The following RGS7 variants were observed in gnomAD, a reference collection of about 807,000 sequenced individuals.
RGS7 encodes regulator of G protein signaling 7, also known as regulator of G-protein signaling 7.
A neutral mutation model predicts 81.1 loss-of-function variants in RGS7; 27 were observed. The ratio of observed to expected loss-of-function variants is 0.33; its 90% CI spans 0.25 to 0.46. The LOEUF is 0.46. Ranked by LOEUF, RGS7 falls within the 20% of genes least tolerant of loss-of-function variation. The pLI is 1.00. For missense variants in RGS7, 396 were observed against 607.4 expected (o/e 0.65, Z 3.66); for synonymous variants, 208 against 207.7 (o/e 1.00, Z -0.01).
At chr1:240,908,413 A>G (rs2148234706) in intron 6 of RGS7, among the ~76,000 whole-genome samples, 1 of 152,316 alleles carries the variant, frequency 6.6e-6, no homozygotes, top group South Asian at 2.1e-4. Flanking sequence ...TGAAGTTACT[A>G]AGCCTACACA....
chr1:240,842,199 A>ATCTTTTTTTTTTTTT (rs1658151361), intron 9 of RGS7, among the ~76,000 whole-genome samples: 1 of 78,676 alleles, frequency 1.3e-5, no homozygotes, highest in African/African-American at 4.7e-5. Context: ...TTTGTCAGGA[A>ATCTTTTTTTTTTTTT]TTTTTTTTTT....
At chr1:240,840,942 ATG>A (rs138725846) in intron 9 of RGS7, among the ~76,000 whole-genome samples, 3 of 151,786 alleles carry the variant, frequency 2.0e-5, no homozygotes, top group Non-Finnish European at 4.4e-5. Flanking sequence ...GCTTGTGTGT[ATG>A]TGTGTGTGTG....
At chr1:241,127,906 C>T (rs1261023560) in intron 2 of RGS7, among the ~76,000 whole-genome samples, 1 of 151,712 alleles carries the variant, frequency 6.6e-6, no homozygotes, top group African/African-American at 2.4e-5. Flanking sequence ...TAACACTGAG[C>T]TTTTAAAAGT....
At chr1:241,272,762 T>A (rs1277897412) in intron 2 of RGS7, among the ~76,000 whole-genome samples, 1 of 152,210 alleles carries the variant, frequency 6.6e-6, no homozygotes, top group Non-Finnish European at 1.5e-5. Context: ...TTCCTCTCTA[T>A]TTTGCAAATT....
intron 2 of RGS7, among the ~76,000 whole-genome samples, chr1:241,259,350 T>C (rs1453144421): frequency 6.6e-6 from 1 of 151,714 alleles, no homozygotes; most frequent in African/African-American, 2.4e-5. Flanking sequence ...AAGAACAAAA[T>C]TAGGAACAAA....
intron 4 of RGS7, among the ~76,000 whole-genome samples, chr1:240,946,947 T>C (rs550524385): frequency 5.9e-5 from 9 of 152,346 alleles, no homozygotes; most frequent in African/African-American, 2.2e-4. Flanking sequence ...TTGTTCATTA[T>C]ATTATATATA....
intron 13 of RGS7, 135 bp from the exon 14 acceptor site, chr1:240,812,178 G>T: frequency 3.5e-6 from 3 of 848,206 alleles, no homozygotes; most frequent in Non-Finnish European, 5.7e-6. Flanking sequence ...ATATATATCC[G>T]ATTAACGGCT....
rs544862999 is a variant in RGS7, at chr1:241,302,660, T to G, written c.78+53039A>C. Among the ~76,000 whole-genome samples the G allele has an allele frequency of 4.6e-4, 70 of 152,312 alleles. 1 individual carries two copies. Among genetic ancestry groups the G allele is most frequent in the African/African-American group, 1.6e-3 (66 of 41,564 alleles). ...GAAAAATTTTTCTTATCATACAAAA[T>G]TTTAAACATGAGCAAAGTAGAGAAA... On this transcript the variant is annotated intron_variant, in intron 2 of 18. Coordinates refer to ENST00000440928, the MANE Select transcript of RGS7 (RefSeq NM_001364886.1).
At chr1:241,088,351 C>T (rs1320395661) in intron 3 of RGS7, among the ~76,000 whole-genome samples, 3 of 151,902 alleles carry the variant, frequency 2.0e-5, no homozygotes, top group East Asian at 1.9e-4. Context: ...AAAAAACATA[C>T]CATTTTGGCA....
intron 3 of RGS7, among the ~76,000 whole-genome samples, chr1:241,087,968 C>T (rs1241813113): frequency 1.1e-5 from 1 of 87,290 alleles, no homozygotes; most frequent in African/African-American, 4.3e-5. Context: ...CTCTCTCTCT[C>T]TCTCTCTCTA....
At chr1:240,976,921 A>T (rs1446143038) in intron 4 of RGS7, among the ~76,000 whole-genome samples, 4 of 105,156 alleles carry the variant, frequency 3.8e-5, no homozygotes, top group Non-Finnish European at 6.4e-5. Context: ...TCTTTCTATC[A>T]TCCATCTATC....
intron 3 of RGS7, among the ~76,000 whole-genome samples, chr1:241,093,538 T>C (rs2148937252): frequency 6.6e-6 from 1 of 152,288 alleles, no homozygotes; most frequent in African/African-American, 2.4e-5. Context: ...AGCATGCATC[T>C]AAGACCAGCA....
intron 2 of RGS7, among the ~76,000 whole-genome samples, chr1:241,260,408 A>C (rs1279120513): frequency 6.6e-6 from 1 of 152,160 alleles, no homozygotes; most frequent in East Asian, 1.9e-4. Context: ...TGGGTATATC[A>C]AATACTTGCT....
At chr1:240,931,156 A>G (rs1323149608) in intron 5 of RGS7, among the ~76,000 whole-genome samples, 1 of 152,176 alleles carries the variant, frequency 6.6e-6, no homozygotes, top group African/African-American at 2.4e-5. Flanking sequence ...ATTGTTTTCT[A>G]TGAATCATGT....
At chr1:241,223,216 G>C (rs1484617361) in intron 2 of RGS7, among the ~76,000 whole-genome samples, 2 of 152,198 alleles carry the variant, frequency 1.3e-5, no homozygotes, top group African/African-American at 2.4e-5. Flanking sequence ...TGCTATGTTA[G>C]TTACATCAAG....
Position 240,868,090 on chromosome 1 carries a change from A to AG in RGS7, c.609+496_609+497insC, listed in dbSNP as rs1231971254. ...AAGAGAAAAGAAAGAAAGAAAAAGA[A>AG]AGAAAAGAAAAAGAAAGAAAAGAAA... On this transcript the variant is annotated intron_variant, in intron 9 of 18. Transcript: ENST00000440928. The surrounding 1 kb of genome is among the most constrained non-coding windows in gnomAD (Gnocchi z 5.1). Among the ~76,000 whole-genome samples, 2 of 150,544 alleles carry AG rather than the reference A, an allele frequency of 1.3e-5. No individual in the cohort carries two copies. Among genetic ancestry groups the AG allele is most frequent in the African/African-American group, 4.9e-5 (2 of 40,640 alleles).
chr1:241,097,318 G>A (rs556102729), intron 3 of RGS7, among the ~76,000 whole-genome samples: 17 of 152,032 alleles, frequency 1.1e-4, no homozygotes, highest in Non-Finnish European at 1.9e-4. Context: ...AACGAAGTGG[G>A]CATAAGAGGG....
intron 2 of RGS7, among the ~76,000 whole-genome samples, chr1:241,241,228 G>T (rs2076245123): frequency 6.6e-6 from 1 of 151,964 alleles, no homozygotes; most frequent in African/African-American, 2.4e-5. Flanking sequence ...CAAGAAGCAG[G>T]CCTTCTTGGA....
chr1:241,003,296 C>T (rs2058508049), intron 3 of RGS7, among the ~76,000 whole-genome samples: 1 of 151,948 alleles, frequency 6.6e-6, no homozygotes, highest in Admixed American at 6.5e-5. Context: ...CCTGTCTCTA[C>T]TAAAAATACA....
Sources: gnomAD v4.1 joint callset for allele counts (sites outside exome capture counted in the v4.1 genomes callset) on GRCh38, gnomAD v4.1.1 for gene constraint, Gnocchi (gnomAD v3.1) non-coding constraint, MANE v1.5 for transcripts, NCBI Gene and HGNC (gene_info 2026-07-23, HGNC 2026-07-21) for gene names.